The following CFAP221 variants were observed in gnomAD, a reference collection of about 807,000 sequenced individuals.
CFAP221 encodes cilia- and flagella-associated protein 221.
CFAP221 carries 97 observed loss-of-function variants against 113.1 expected under a neutral mutation model. The observed-to-expected ratio is 0.86, with a 90% CI of 0.73 to 1.02. The LOEUF (loss-of-function observed/expected upper bound fraction) is 1.02. Among genes scored for constraint, CFAP221 ranks in the 50% least tolerant of loss-of-function variants. The pLI is 0.00. For synonymous variants in CFAP221, 331 were observed against 354.4 expected (o/e 0.93, Z 0.74); for missense variants, 1,025 against 1,013.4 (o/e 1.01, Z -0.16).
At chr2:119,654,114 G>A (rs1334133619) in intron 23 of CFAP221, among the ~76,000 whole-genome samples, 1 of 152,168 alleles carries the variant, frequency 6.6e-6, no homozygotes, top group African/African-American at 2.4e-5. Context: ...TCTTAGAGCT[G>A]TATGAGGTCT....
intron 15 of CFAP221, among the ~76,000 whole-genome samples, chr2:119,626,017 C>T (rs1686284894): frequency 6.6e-6 from 1 of 152,106 alleles, no homozygotes; most frequent in Admixed American, 6.5e-5. Flanking sequence ...AAGTCTAAAA[C>T]CAAGGTGCTG....
intron 14 of CFAP221, among the ~76,000 whole-genome samples, chr2:119,623,491 T>G (rs1341835786): frequency 6.6e-6 from 1 of 152,230 alleles, no homozygotes; most frequent in Non-Finnish European, 1.5e-5. Flanking sequence ...GCCATTGACT[T>G]TCTTCACAGA....
Position 119,546,084 on chromosome 2 carries a change from G to T in CFAP221, c.-47-1G>T. ...TTATACTGCTGCTCTTTCCTCCCCA[G>T]GACATGACCTTTGGCTCTAAAAAGA... On this transcript the variant is annotated splice_acceptor_variant, in intron 1 of 23. Transcript: ENST00000413369. LOFTEE classifies it low-confidence loss of function (5UTR_SPLICE). The T allele has an allele frequency of 6.7e-7, 1 of 1,503,052 alleles. No individual in the cohort carries two copies. The highest frequency in any genetic ancestry group is 2.4e-5 in the Admixed American group (1 of 42,386). The allele number at this position is 1,503,052 out of a possible 1,614,324, so 93.1% of individuals were successfully genotyped here.
Position 119,585,999 on chromosome 2 carries a change from T to C in CFAP221, c.528-1120T>C, listed in dbSNP as rs537122127. Among the ~76,000 whole-genome samples the C allele has an allele frequency of 1.6e-4, 24 of 152,252 alleles. No homozygotes were observed. In the South Asian group the frequency reaches 5.0e-3, roughly 32 times the overall value. On this transcript the variant is annotated intron_variant, in intron 6 of 23. Coordinates refer to ENST00000413369, the MANE Select transcript of CFAP221 (RefSeq NM_001271049.2). ...CTCAAACCAGATTACAACTGTGTTC[T>C]CCTGGGAGTATGAACTGGAAAATGA...
intron 8 of CFAP221, among the ~76,000 whole-genome samples, chr2:119,604,307 G>A (rs988830967): frequency 9.2e-5 from 14 of 151,996 alleles, no homozygotes; most frequent in Admixed American, 2.0e-4. Flanking sequence ...AGTGGTGCAC[G>A]CATGTAGTCC....
At chr2:119,647,189 C>A in intron 22 of CFAP221, 139 bp downstream of exon 22, 1 of 586,822 alleles carries the variant, frequency 1.7e-6, no homozygotes, top group Non-Finnish European at 3.0e-6. Flanking sequence ...AACACCCATC[C>A]ATACCATCAC....
At chr2:119,592,696 G>A (rs1394645028) in intron 7 of CFAP221, among the ~76,000 whole-genome samples, 1 of 152,176 alleles carries the variant, frequency 6.6e-6, no homozygotes, top group African/African-American at 2.4e-5. Context: ...CTCCATGCTC[G>A]CATGTTTGAC....
chr2:119,544,763 G>A (rs1679931047), intron 1 of CFAP221, among the ~76,000 whole-genome samples: 1 of 152,114 alleles, frequency 6.6e-6, no homozygotes, highest in South Asian at 2.1e-4. Context: ...TGGCCGGGGC[G>A]AGAGGGCCTG....
rs150679978 is a variant in CFAP221 at position 119,579,294 on chromosome 2, G to GAT, written c.528-7813_528-7812dup. On this transcript the variant is annotated intron_variant, in intron 6 of 23. Coordinates refer to ENST00000413369, the MANE Select transcript of CFAP221 (RefSeq NM_001271049.2). ...CACTTCTCAGAAATAACAGGCACGA[G>GAT]ATATATATATATACATATATATATG... Among the ~76,000 whole-genome samples, 649 of 151,062 alleles carry GAT rather than the reference G, an allele frequency of 4.3e-3. 6 individuals are homozygous for GAT. The highest frequency in any genetic ancestry group is 4.2e-3 in the Non-Finnish European group (286 of 67,770).
At chr2:119,587,665 G>A (rs1683315125) in intron 7 of CFAP221, among the ~76,000 whole-genome samples, 1 of 152,214 alleles carries the variant, frequency 6.6e-6, no homozygotes, top group Non-Finnish European at 1.5e-5. Context: ...ATTTGAAAGT[G>A]AGATTTTACA....
At chr2:119,629,331 G>T (rs1183735795) in intron 16 of CFAP221, among the ~76,000 whole-genome samples, 3 of 152,230 alleles carry the variant, frequency 2.0e-5, no homozygotes, top group Non-Finnish European at 4.4e-5. Flanking sequence ...GAGGGGACAG[G>T]ATTGGGTGGA....
In CFAP221 at chr2:119,625,660, T is replaced by G. The variant is rs1374594573; in HGVS notation, c.1488T>G (p.Ile496Met). ...EMDKESILRK[I>M]GQAKQSIAQE... ...ACAAAGAGAGTATACTGAGAAAGAT[T>G]GGCCAAGCAAAACAATCGATAGCAC... The change falls in exon 15 of 24, where the codon ATT (isoleucine) becomes ATG (methionine). Residue 496 changes from isoleucine (I) to methionine (M), a missense_variant. Physicochemically the swap from Ile to Met is conservative, Grantham distance 10. Transcript: ENST00000413369. The G allele has an allele frequency of 1.2e-6, 2 of 1,612,864 alleles. No individual in the cohort carries two copies. The highest frequency in any genetic ancestry group is 1.7e-5 in the Admixed American group (1 of 60,010).
chr2:119,549,548 A>G (rs1680280249), intron 3 of CFAP221, among the ~76,000 whole-genome samples: 1 of 152,210 alleles, frequency 6.6e-6, no homozygotes, highest in African/African-American at 2.4e-5. Flanking sequence ...AGAGACTCCA[A>G]AAGATTAAAT....
chr2:119,638,306 A>G lies in CFAP221; in HGVS notation c.2022A>G (p.Ala674=). 6.2e-7 allele frequency: 1 copy of G among 1,614,140 alleles called. No homozygotes were observed. Residue 674 remains alanine (A), a synonymous_variant, in exon 20 of 24, where the codon GCA becomes GCG. Transcript: ENST00000413369. ...CTGTAATGCATCCTCTGACCTATGC[A>G]GAAACGTTGATAGATTACCATCTAT... The part of the protein sequence containing the change: ...LFAVMHPLTY[A]ETLIDYHLCS...
chr2:119,659,644 T>G (rs909675758), downstream of CFAP221, among the ~76,000 whole-genome samples: 1 of 18,504 alleles, frequency 5.4e-5, no homozygotes, highest in African/African-American at 9.6e-5. Context: ...TCCCATGTGC[T>G]CCTCTGCATT....
intron 6 of CFAP221, among the ~76,000 whole-genome samples, chr2:119,569,981 G>A (rs1681928562): frequency 6.6e-6 from 1 of 152,128 alleles, no homozygotes; most frequent in African/African-American, 2.4e-5. Flanking sequence ...TAGCATTTCT[G>A]CCATTTCTGG....
rs1440340432 is a variant in CFAP221 at position 119,647,048 on chromosome 2, AC to A, written c.2317del (p.Arg773ValfsTer8). 1.3e-6 allele frequency: 2 copies of A among 1,502,732 alleles called. No homozygotes were observed. The highest frequency in any genetic ancestry group is 2.4e-5 in the South Asian group (2 of 84,172). 93.1% of individuals were successfully genotyped at this position (1,502,732 alleles called of 1,614,324 possible). On this transcript the variant is annotated frameshift_variant and splice_region_variant, in exon 22 of 24. Coordinates refer to ENST00000413369, the MANE Select transcript of CFAP221 (RefSeq NM_001271049.2). LOFTEE classifies it high-confidence loss of function. ...AAGAGGACAGACTAGAAACAGTAGA[AC>A]GGTATTTTTTTTTTTTTTAATCTTT... ...PEEDRLETVE[R>X]ELCEQNVEVM...
intron 6 of CFAP221, among the ~76,000 whole-genome samples, chr2:119,578,735 C>A (rs979617903): frequency 6.6e-6 from 1 of 152,148 alleles, no homozygotes; most frequent in Non-Finnish European, 1.5e-5. Flanking sequence ...AAAAAGTTAG[C>A]ATTTGTCATG....
chr2:119,557,958 CAAAAAAAAAAA>C (rs11286852), intron 3 of CFAP221, among the ~76,000 whole-genome samples: 1 of 104,026 alleles, frequency 9.6e-6, no homozygotes, highest in Admixed American at 1.0e-4. Context: ...GACTCCGTCT[CAAAAAAAAAAA>C]AAAAAAAAGC....
Sources: gnomAD v4.1 joint callset for allele counts (sites outside exome capture counted in the v4.1 genomes callset) on GRCh38, gnomAD v4.1.1 for gene constraint, MANE v1.5 for transcripts, NCBI Gene and HGNC (gene_info 2026-07-23, HGNC 2026-07-21) for gene names.